PHACTR3: variants seen among roughly 807,000 people sequenced by gnomAD.
The protein encoded by PHACTR3 is phosphatase and actin regulator 3, also known as protein phosphatase 1, regulatory subunit 123.
In PHACTR3, 16 loss-of-function variants were observed where a neutral mutation model predicts 66.8. The ratio of observed to expected loss-of-function variants is 0.24; its 90% CI spans 0.16 to 0.36. The LOEUF (loss-of-function observed/expected upper bound fraction) is 0.36, where lower values mean the gene tolerates loss of function less well. Ranked by LOEUF, PHACTR3 falls within the 10% of genes least tolerant of loss-of-function variation. The pLI is 1.00. For missense variants in PHACTR3, 647 were observed against 719.9 expected (o/e 0.90, Z 1.16); for synonymous variants, 323 against 292.1 (o/e 1.11, Z -1.08).
At chr20:59,796,025 T>C (rs1316954598) in intron 7 of PHACTR3, among the ~76,000 whole-genome samples, 1 of 152,136 alleles carries the variant, frequency 6.6e-6, no homozygotes, top group Non-Finnish European at 1.5e-5. Context: ...GGTTATTTTA[T>C]AGATCTTTTG....
intron 3 of PHACTR3, among the ~76,000 whole-genome samples, chr20:59,752,171 G>A (rs895481944): frequency 2.0e-5 from 3 of 152,164 alleles, no homozygotes; most frequent in Admixed American, 6.5e-5. Flanking sequence ...TAGGAACGCC[G>A]GGGGACACAT....
At chr20:59,808,713 G>A (rs2041642128) in intron 8 of PHACTR3, among the ~76,000 whole-genome samples, 1 of 152,198 alleles carries the variant, frequency 6.6e-6, no homozygotes, top group African/African-American at 2.4e-5. Flanking sequence ...GATGCTGCAG[G>A]TGCAGGGAGG....
intron 1 of PHACTR3, among the ~76,000 whole-genome samples, chr20:59,666,632 AAG>A (rs967877661): frequency 8.1e-4 from 123 of 151,872 alleles, no homozygotes; most frequent in East Asian, 6.0e-3. Context: ...CAGAGGAAGA[AAG>A]AGAGAGAGAG....
intron 7 of PHACTR3, among the ~76,000 whole-genome samples, chr20:59,774,807 C>A (rs1337839614): frequency 6.6e-6 from 1 of 151,424 alleles, no homozygotes; most frequent in Non-Finnish European, 1.5e-5. Flanking sequence ...TTAGAGAATG[C>A]CACCCCTGAG....
chr20:59,714,751 C>T (rs1354613724), intron 1 of PHACTR3, among the ~76,000 whole-genome samples: 1 of 152,172 alleles, frequency 6.6e-6, no homozygotes, highest in Non-Finnish European at 1.5e-5. Context: ...TTACATTGAA[C>T]TTGTGGGTCA....
At position 59,706,329 on chromosome 20, in the gene PHACTR3, A is replaced by C. The variant is rs377398292; in HGVS notation, c.119-36778A>C. Among the ~76,000 whole-genome samples, 3 of 152,330 alleles carry C rather than the reference A, an allele frequency of 2.0e-5. No homozygotes were observed. The East Asian group carries it at 5.8e-4, about 29-fold the overall frequency. On this transcript the variant is annotated intron_variant, in intron 1 of 12. Transcript: ENST00000371015. ...CAAGTGAGGTCTAGGACGCTGCATA[A>C]ACAAATTAGGAAATGACAGAGAGGC...
At chr20:59,687,388 T>C (rs778826226) in intron 1 of PHACTR3, among the ~76,000 whole-genome samples, 5 of 152,112 alleles carry the variant, frequency 3.3e-5, no homozygotes, top group Non-Finnish European at 7.4e-5. Context: ...TAGAGTGGAA[T>C]TAAAGAAAAC....
At chr20:59,774,561 C>T (rs756977245) in intron 7 of PHACTR3, 71 bp downstream of exon 7, 15 of 1,547,740 alleles carry the variant, frequency 9.7e-6, no homozygotes, top group Non-Finnish European at 1.3e-5. Flanking sequence ...GGGTCGAGGA[C>T]AGAGCTCGTG....
At chr20:59,681,867 G>C (rs1401516217) in intron 1 of PHACTR3, among the ~76,000 whole-genome samples, 1 of 152,070 alleles carries the variant, frequency 6.6e-6, no homozygotes, top group Non-Finnish European at 1.5e-5. Context: ...AAAATTAGCT[G>C]GGAGTGGTGG....
At chr20:59,636,875 A>G (rs2034918012) in intron 1 of PHACTR3, among the ~76,000 whole-genome samples, 1 of 152,246 alleles carries the variant, frequency 6.6e-6, no homozygotes, top group South Asian at 2.1e-4. Context: ...TTATTCTGTT[A>G]ATGTGTTACA....
At chr20:59,809,770 G>C (rs998852296) in intron 8 of PHACTR3, among the ~76,000 whole-genome samples, 2 of 152,190 alleles carry the variant, frequency 1.3e-5, no homozygotes, top group Non-Finnish European at 2.9e-5. Context: ...CCCCTACTCA[G>C]TTCAGGCGCT....
chr20:59,752,184 CTGCACGTG>C (rs2039618727), intron 3 of PHACTR3, among the ~76,000 whole-genome samples: 1 of 152,234 alleles, frequency 6.6e-6, no homozygotes, highest in South Asian at 2.1e-4. Flanking sequence ...GGACACATGT[CTGCACGTG>C]TGCACACACA....
intron 1 of PHACTR3, among the ~76,000 whole-genome samples, chr20:59,661,833 G>A (rs1000538367): frequency 1.3e-5 from 2 of 151,982 alleles, no homozygotes; most frequent in Admixed American, 6.6e-5. Flanking sequence ...GACTGGCTTC[G>A]GCAGTTAGGT....
chr20:59,696,676 C>T (rs539577805), intron 1 of PHACTR3, among the ~76,000 whole-genome samples: 1 of 152,320 alleles, frequency 6.6e-6, no homozygotes, highest in East Asian at 1.9e-4. Flanking sequence ...CCTGCCCTGG[C>T]TCTGTCCACA....
intron 8 of PHACTR3, among the ~76,000 whole-genome samples, chr20:59,814,394 G>A (rs974401251): frequency 1.3e-5 from 2 of 152,156 alleles, no homozygotes; most frequent in South Asian, 2.1e-4. Flanking sequence ...AGGGAATCCA[G>A]GAAGAAGGCA....
At chr20:59,797,666 A>G (rs1170815011) in intron 7 of PHACTR3, among the ~76,000 whole-genome samples, 3 of 152,208 alleles carry the variant, frequency 2.0e-5, no homozygotes, top group Non-Finnish European at 4.4e-5. Flanking sequence ...CAATAGTGGT[A>G]GCAAGCTATA....
chr20:59,762,189 A>T (rs2040015381), intron 4 of PHACTR3, among the ~76,000 whole-genome samples: 1 of 151,828 alleles, frequency 6.6e-6, no homozygotes, highest in Non-Finnish European at 1.5e-5. Context: ...GTTTTGGGGG[A>T]GACTTTGGAG....
At chr20:59,678,580 G>A (rs2036533407) in intron 1 of PHACTR3, among the ~76,000 whole-genome samples, 1 of 152,120 alleles carries the variant, frequency 6.6e-6, no homozygotes, top group African/African-American at 2.4e-5. Flanking sequence ...TTTCTTCCCT[G>A]CATCTTGACA....
chr20:59,838,149 C>T (rs6015588), intron 9 of PHACTR3, among the ~76,000 whole-genome samples: 12,221 of 152,078 alleles, frequency 0.08, 963 homozygotes, highest in African/African-American at 0.2. Context: ...GTCCTTAGCT[C>T]GGAAGCCCTC....
Sources: gnomAD v4.1 joint callset for allele counts (sites outside exome capture counted in the v4.1 genomes callset) on GRCh38, gnomAD v4.1.1 for gene constraint, MANE v1.5 for transcripts, NCBI Gene and HGNC (gene_info 2026-07-23, HGNC 2026-07-21) for gene names.